PIAS2: variants seen among roughly 807,000 people sequenced by gnomAD.
PIAS2 encodes the protein protein inhibitor of activated STAT 2.
Under a neutral mutation model 69.7 loss-of-function variants are expected in PIAS2, and 19 were observed. That is an observed-to-expected ratio of 0.27 (90% confidence interval 0.19 to 0.40). PIAS2 has a LOEUF of 0.40. PIAS2 is among the 10% of genes least tolerant of loss of function. The pLI is 1.00. For synonymous variants in PIAS2, 261 were observed against 263.2 expected, an observed-to-expected ratio of 0.99 and a Z score of 0.08; for missense variants, 624 against 757.0, an observed-to-expected ratio of 0.82 and a Z score of 2.06.
At chr18:46,812,972 G>C (rs761826328) in intron 13 of PIAS2, among the ~76,000 whole-genome samples, 1 of 152,084 alleles carries the variant, frequency 6.6e-6, no homozygotes, top group African/African-American at 2.4e-5. Flanking sequence ...TGTCAATTTT[G>C]AAAGAATTGT....
At position 46,831,352 on chromosome 18, in the gene PIAS2, A is replaced by T. The variant is rs537881655; in HGVS notation, c.1203-1485T>A. Among the ~76,000 whole-genome samples the T allele has an allele frequency of 9.0e-4, 137 of 152,336 alleles. 1 individual carries two copies. The highest frequency in any genetic ancestry group is 1.6e-3 in the Non-Finnish European group (111 of 68,008). On this transcript the variant is annotated intron_variant, in intron 9 of 13. Coordinates refer to ENST00000585916, the MANE Select transcript of PIAS2 (RefSeq NM_004671.5). ...CAAGACACATTGAAAACTACAAAAC[A>T]CTGTTGAGACAAATAAACAGAAAGA...
In PIAS2 at chr18:46,904,766, A is replaced by C. The variant is rs570686478; in HGVS notation, c.24+12556T>G. On this transcript the variant is annotated intron_variant, in intron 1 of 13. Coordinates refer to ENST00000585916, the MANE Select transcript of PIAS2 (RefSeq NM_004671.5). Reference sequence around the variant, plus strand: ...ACTCCATCCGTCTCAAAAAAAAAAAAAAAACAGAGATGGGGGTCTCACTAT... The same window carrying C: ...ACTCCATCCGTCTCAAAAAAAAAAACAAAACAGAGATGGGGGTCTCACTAT... 1.2e-3 allele frequency among the ~76,000 whole-genome samples: 185 copies of C among 151,856 alleles called. 1 individual carries two copies. The highest frequency in any genetic ancestry group is 1.9e-3 in the Non-Finnish European group (127 of 67,890).
intron 1 of PIAS2, chr18:46,907,380 G>C (rs1302123910): frequency 6.6e-6 from 1 of 152,166 alleles, no homozygotes; most frequent in African/African-American, 2.4e-5. Flanking sequence ...ACATTCACCA[G>C]AGTGTCTAAA....
chr18:46,879,920 A>T (rs1336148010), intron 2 of PIAS2, among the ~76,000 whole-genome samples: 1 of 152,086 alleles, frequency 6.6e-6, no homozygotes, highest in Non-Finnish European at 1.5e-5. Flanking sequence ...GGTTGCCAGG[A>T]GCTGGGGGAA....
chr18:46,906,733 C>T (rs1166323800), intron 1 of PIAS2, among the ~76,000 whole-genome samples: 3 of 137,764 alleles, frequency 2.2e-5, no homozygotes, highest in South Asian at 2.3e-4. Flanking sequence ...AGATTCAGTG[C>T]ATTTCCCATC....
At chr18:46,878,974 T>C (rs1234439309) in intron 2 of PIAS2, among the ~76,000 whole-genome samples, 1 of 152,224 alleles carries the variant, frequency 6.6e-6, no homozygotes, top group African/African-American at 2.4e-5. Context: ...AAGAGGTTTT[T>C]TAGGGAGTTT....
intron 9 of PIAS2, among the ~76,000 whole-genome samples, chr18:46,835,692 A>G (rs2044326723): frequency 6.6e-6 from 1 of 152,194 alleles, no homozygotes; most frequent in Non-Finnish European, 1.5e-5. Flanking sequence ...AAATCATTAC[A>G]TAAAGTATCA....
intron 1 of PIAS2, among the ~76,000 whole-genome samples, chr18:46,898,372 G>C (rs1047184307): frequency 1.3e-5 from 2 of 150,526 alleles, no homozygotes; most frequent in Non-Finnish European, 3.0e-5. Context: ...CTTGAACTCC[G>C]GCCTCAAGTG....
chr18:46,852,308 G>A (rs1465391025), intron 5 of PIAS2, among the ~76,000 whole-genome samples: 1 of 152,102 alleles, frequency 6.6e-6, no homozygotes, highest in African/African-American at 2.4e-5. Context: ...AGACTCTTTG[G>A]GAAAGGCAGG....
chr18:46,896,165 C>CAAAAAAAAAAAAAAAAAAAAGA (rs1199712335), intron 1 of PIAS2, among the ~76,000 whole-genome samples: 1 of 31,952 alleles, frequency 3.1e-5, no homozygotes, highest in Non-Finnish European at 6.2e-5. Context: ...AAGAAAAAAG[C>CAAAAAAAAAAAAAAAAAAAAGA]AAAAAAAAAA....
At chr18:46,911,351 G>A (rs1458167772) in intron 1 of PIAS2, among the ~76,000 whole-genome samples, 1 of 151,940 alleles carries the variant, frequency 6.6e-6, no homozygotes, top group African/African-American at 2.4e-5. Context: ...GAGTAGCTGG[G>A]ATTACAGGTG....
chr18:46,913,945 A>G (rs2057532124), intron 1 of PIAS2, among the ~76,000 whole-genome samples: 1 of 152,206 alleles, frequency 6.6e-6, no homozygotes, highest in Non-Finnish European at 1.5e-5. Context: ...TACAGGTGTG[A>G]GCTACCAAGC....
intron 12 of PIAS2, among the ~76,000 whole-genome samples, chr18:46,819,387 G>A (rs1187680953): frequency 1.3e-5 from 2 of 152,052 alleles, no homozygotes; most frequent in Non-Finnish European, 2.9e-5. Flanking sequence ...GGTCTACAAA[G>A]AACTTCTTAA....
At chr18:46,814,642 T>C (rs1222978558) in intron 13 of PIAS2, among the ~76,000 whole-genome samples, 1 of 152,162 alleles carries the variant, frequency 6.6e-6, no homozygotes, top group African/African-American at 2.4e-5. Context: ...TCTTCCTCTA[T>C]CCCTCCCTAT....
chr18:46,851,393 T>A (rs529083781), intron 5 of PIAS2, among the ~76,000 whole-genome samples: 1 of 152,326 alleles, frequency 6.6e-6, no homozygotes, highest in South Asian at 2.1e-4. Flanking sequence ...TCTCACAAAT[T>A]GTTTAGAAGA....
intron 12 of PIAS2, chr18:46,816,383 T>G (rs553313409): frequency 3.0e-5 from 29 of 982,774 alleles, no homozygotes; most frequent in Admixed American, 6.1e-5. Context: ...ACAAAAATGC[T>G]TATCAAGTGA....
rs1599200351 is a variant in PIAS2 at position 46,806,349 on chromosome 18, G to C, written c.*6084C>G. On this transcript the variant is annotated 3_prime_UTR_variant, in exon 14 of 14. Transcript: ENST00000585916. ...TTGGAAAATTCTTTGCACAATGCCT[G>C]TTACTTTTTTTTTTTTTTTTTTTTT... The C allele has an allele frequency of 1.9e-5, 1 of 53,524 alleles. No individual in the cohort carries two copies. The highest frequency in any genetic ancestry group is 4.4e-5 in the Non-Finnish European group (1 of 22,494). The allele number at this position is 53,524 out of a possible 1,614,324, so 3.3% of individuals were successfully genotyped here. A position where few individuals can be genotyped will look rare whatever the true frequency, so the allele number is the denominator to read the frequency against.
intron 9 of PIAS2, among the ~76,000 whole-genome samples, chr18:46,830,547 C>T (rs774424923): frequency 1.3e-5 from 2 of 151,404 alleles, no homozygotes; most frequent in Non-Finnish European, 2.9e-5. Context: ...AGTCTCAAAT[C>T]AGTAACTTTA....
chr18:46,816,859 T>C, intron 12 of PIAS2: 1 of 973,710 alleles, frequency 1.0e-6, no homozygotes, highest in Non-Finnish European at 1.2e-6. Context: ...CAACAAACTT[T>C]TCCAATGACT....
Sources: allele counts gnomAD v4.1 joint callset (sites outside exome capture counted in the v4.1 genomes callset), GRCh38; gene constraint gnomAD v4.1.1; transcripts MANE v1.5; gene names NCBI Gene and HGNC (gene_info 2026-07-23, HGNC 2026-07-21).